The following E2F2 variants were observed in gnomAD, a reference collection of about 807,000 sequenced individuals.
The protein encoded by E2F2 is E2F transcription factor 2.
In E2F2, 22 loss-of-function variants were observed where a neutral mutation model predicts 42.2. The ratio of observed to expected loss-of-function variants is 0.52; its 90% CI spans 0.37 to 0.74. The LOEUF (loss-of-function observed/expected upper bound fraction) is 0.74. Among genes scored for constraint, E2F2 ranks in the 30% least tolerant of loss-of-function variants. E2F2 has a pLI of 0.00. For synonymous variants in E2F2, 248 were observed against 251.6 expected, an observed-to-expected ratio of 0.99 and a Z score of 0.13; for missense variants, 481 against 557.8, an observed-to-expected ratio of 0.86 and a Z score of 1.39.
chr1:23,523,529 G>A (rs997314317), intron 2 of E2F2, among the ~76,000 whole-genome samples: 1 of 152,100 alleles, frequency 6.6e-6, no homozygotes, highest in African/African-American at 2.4e-5. Context: ...GGCACCACCT[G>A]GGCAGCCTCT....
At chr1:23,520,821 C>A in intron 4 of E2F2, 92 bp downstream of exon 4, 1 of 1,318,732 alleles carries the variant, frequency 7.6e-7, no homozygotes, top group Non-Finnish European at 9.9e-7. Flanking sequence ...GATGCCAGAC[C>A]CTTAGGGTAA....
At chr1:23,512,851 C>T (rs930458712) in intron 6 of E2F2, among the ~76,000 whole-genome samples, 12 of 151,020 alleles carry the variant, frequency 7.9e-5, no homozygotes, top group Admixed American at 7.9e-4. Flanking sequence ...CCCACTCTGT[C>T]GGTCAGGCTG....
At chr1:23,523,449 G>A (rs939829280) in intron 2 of E2F2, among the ~76,000 whole-genome samples, 5 of 152,074 alleles carry the variant, frequency 3.3e-5, no homozygotes, top group East Asian at 1.9e-4. Context: ...GAGCCACCAC[G>A]CTCAGCCTAT....
chr1:23,509,881 C>T lies in E2F2; in HGVS notation c.1313G>A (p.Ter438=). The T allele has an allele frequency of 1.3e-6, 2 of 1,535,440 alleles. No individual in the cohort carries two copies. Among genetic ancestry groups the T allele is most frequent in the Non-Finnish European group, 1.8e-6 (2 of 1,137,512 alleles). ...SYDLGDLLIN[*] ...GCTGCTGGGGGCAGGCAGGGCCACTCAATTAATCAACAGGTCCCCAAGGTC... is the reference window on the plus strand; with the variant it reads ...GCTGCTGGGGGCAGGCAGGGCCACTTAATTAATCAACAGGTCCCCAAGGTC... Residue 438 remains the stop codon, a stop_retained_variant, in exon 7 of 7, where the codon TGA becomes TAA. Coordinates refer to ENST00000361729, the MANE Select transcript of E2F2 (RefSeq NM_004091.4).
Position 23,509,606 on chromosome 1 carries a change from C to T in E2F2, c.*274G>A, listed in dbSNP as rs1329082220. ...CTGGACTTGGCCACCTCACCTGCAG[C>T]CTTCTTGTGAGAGGTCAGAAGTCAG... On this transcript the variant is annotated 3_prime_UTR_variant, in exon 7 of 7. Coordinates refer to ENST00000361729, the MANE Select transcript of E2F2 (RefSeq NM_004091.4). The T allele has an allele frequency of 2.3e-6, 1 of 438,350 alleles. No homozygotes were observed. Among genetic ancestry groups the T allele is most frequent in the Non-Finnish European group, 3.6e-6 (1 of 280,558 alleles). 27.2% of individuals were successfully genotyped at this position (438,350 alleles called of 1,614,324 possible).
chr1:23,530,923 G>A lies in E2F2; in HGVS notation c.-130C>T. ...CGGGGGAAGCCGCCAATGGACGCCT[G>A]CGGGGCAAGGCCGGACCCTCCCCTC... On this transcript the variant is annotated 5_prime_UTR_variant, in exon 1 of 7. Coordinates refer to ENST00000361729, the MANE Select transcript of E2F2 (RefSeq NM_004091.4). The surrounding 1 kb of genome is among the most constrained non-coding windows in gnomAD (Gnocchi z 4.4). The A allele has an allele frequency of 1.6e-6, 2 of 1,217,346 alleles. No homozygotes were observed. The highest frequency in any genetic ancestry group is 2.2e-6 in the Non-Finnish European group (2 of 917,194). 75.4% of individuals were successfully genotyped at this position (1,217,346 alleles called of 1,614,324 possible).
chr1:23,510,219 C>A (rs1228250041), intron 6 of E2F2, 71 bp from the exon 7 acceptor site: 1 of 1,451,094 alleles, frequency 6.9e-7, no homozygotes. Flanking sequence ...GACAGACTTC[C>A]GGTTCTCTGG....
chr1:23,511,032 C>CT (rs1321273818), intron 6 of E2F2, among the ~76,000 whole-genome samples: 1 of 152,098 alleles, frequency 6.6e-6, no homozygotes, highest in East Asian at 1.9e-4. Flanking sequence ...GCACAGTAAA[C>CT]TTTCTCCAGA....
At chr1:23,521,745 C>A in intron 3 of E2F2, 92 bp downstream of exon 3, 1 of 1,555,184 alleles carries the variant, frequency 6.4e-7, no homozygotes, top group Admixed American at 1.8e-5. Flanking sequence ...TCAGCCCCGC[C>A]CCTGCCACTC....
In E2F2 at chr1:23,516,407, A is replaced by G; in HGVS notation, c.973T>C (p.Cys325Arg). ...GGCTGGGCAGAGTCAGGGCTGGGGC[A>G]GAGGGTGGAGGTAGAGGGGAGAGGC... Reference protein sequence around the residue: ...EEPLPSTSTLCPSPDSAQPSS... With the variant: ...EEPLPSTSTLRPSPDSAQPSS... The change falls in exon 6 of 7, where the codon TGC becomes CGC. Residue 325 changes from cysteine to arginine, a missense_variant. By Grantham distance (180) the Cys-to-Arg change is radical. Transcript: ENST00000361729. The G allele has an allele frequency of 2.5e-6, 4 of 1,598,510 alleles. No individual in the cohort carries two copies. The East Asian group carries it at 9.3e-5, about 37-fold the overall frequency.
rs902842323 is a variant in E2F2 at position 23,526,679 on chromosome 1, A to G, written c.253-2191T>C. Reference sequence around the variant, plus strand: ...ATGGAGACTTACAGAGAGTAAGCACATGCCCAAGGTCACACAAAGGCCGGA... The same window carrying G: ...ATGGAGACTTACAGAGAGTAAGCACGTGCCCAAGGTCACACAAAGGCCGGA... On this transcript the variant is annotated intron_variant, in intron 1 of 6. Transcript: ENST00000361729. Among the ~76,000 whole-genome samples the G allele has an allele frequency of 3.9e-5, 6 of 152,242 alleles. No individual in the cohort carries two copies. The East Asian group carries it at 7.7e-4, about 19-fold the overall frequency.
At chr1:23,528,618 G>T (rs778790522) in intron 1 of E2F2, among the ~76,000 whole-genome samples, 6 of 152,212 alleles carry the variant, frequency 3.9e-5, no homozygotes, top group Non-Finnish European at 8.8e-5. Flanking sequence ...TCCTGACCAA[G>T]ATAATGAACG....
chr1:23,522,850 G>A (rs1643179051), intron 2 of E2F2, among the ~76,000 whole-genome samples: 1 of 152,166 alleles, frequency 6.6e-6, no homozygotes, highest in Non-Finnish European at 1.5e-5. Flanking sequence ...TAGCAAGTTA[G>A]TGGCCAATCC....
Position 23,524,494 on chromosome 1 carries a change from A to T in E2F2, c.253-6T>A, listed in dbSNP as rs1183272502. The T allele has an allele frequency of 6.2e-7, 1 of 1,612,672 alleles. No homozygotes were observed. The highest frequency in any genetic ancestry group is 1.7e-5 in the Admixed American group (1 of 59,818). On this transcript the variant is annotated splice_region_variant and splice_polypyrimidine_tract_variant and intron_variant, in intron 1 of 6. Coordinates refer to ENST00000361729, the MANE Select transcript of E2F2 (RefSeq NM_004091.4). The stretch of plus-strand genomic sequence containing the variant: ...AGATCCAGCTTCCTTTTGGCCTTGG[A>T]GAAAAGGGGGAGAGAGAGGCAGAGT...
intron 4 of E2F2, among the ~76,000 whole-genome samples, 175 bp downstream of exon 4, chr1:23,520,738 G>A (rs1643123686): frequency 6.6e-6 from 1 of 152,050 alleles, no homozygotes; most frequent in African/African-American, 2.4e-5. Context: ...ATGAGTCCTT[G>A]TCTCTAAAAA....
intron 5 of E2F2, among the ~76,000 whole-genome samples, chr1:23,518,299 C>T (rs1558244505): frequency 1.3e-5 from 2 of 151,800 alleles, no homozygotes; most frequent in African/African-American, 4.8e-5. Flanking sequence ...AACCCCATCT[C>T]TACTAAAAAA....
At chr1:23,522,158 A>G (rs1260968940) in intron 2 of E2F2, 102 bp from the exon 3 acceptor site, 5 of 1,046,954 alleles carry the variant, frequency 4.8e-6, no homozygotes, top group African/African-American at 1.6e-5. Context: ...TTCACCACCC[A>G]CTTTCCAGTT....
At position 23,526,851 on chromosome 1, in the gene E2F2, G is replaced by GCACACACACACACACA. The variant is rs3221150; in HGVS notation, c.253-2379_253-2364dup. On this transcript the variant is annotated intron_variant, in intron 1 of 6. Transcript: ENST00000361729. ...CCTGCCCCCATCACTGCATGTACTT[G>GCACACACACACACACA]CACACACACACACACACACACACAC... is the stretch of plus-strand genomic sequence containing the variant. 1.1e-4 allele frequency among the ~76,000 whole-genome samples: 17 copies of GCACACACACACACACA among 148,720 alleles called. No individual in the cohort carries two copies. In the South Asian group the frequency reaches 2.6e-3, roughly 22 times the overall value.
In E2F2 at chr1:23,530,521, G is replaced by C. The variant is rs1643320394; in HGVS notation, c.252+21C>G. 6.2e-7 allele frequency: 1 copy of C among 1,610,000 alleles called. No homozygotes were observed. Among genetic ancestry groups the C allele is most frequent in the African/African-American group, 1.3e-5 (1 of 74,824 alleles). On this transcript the variant is annotated intron_variant, in intron 1 of 6. Coordinates refer to ENST00000361729, the MANE Select transcript of E2F2 (RefSeq NM_004091.4). The surrounding 1 kb of genome is among the most constrained non-coding windows in gnomAD (Gnocchi z 4.4). Reference sequence around the variant, plus strand: ...CACCTGGAAAAGCATAGGGGGAAGCGGTGGGGGCCCCCAGCATTACCGGCA... The same window carrying C: ...CACCTGGAAAAGCATAGGGGGAAGCCGTGGGGGCCCCCAGCATTACCGGCA...
Sources: allele counts gnomAD v4.1 joint callset (sites outside exome capture counted in the v4.1 genomes callset), GRCh38; gene constraint gnomAD v4.1.1; non-coding constraint Gnocchi (gnomAD v3.1); transcripts MANE v1.5; gene names NCBI Gene and HGNC (gene_info 2026-07-23, HGNC 2026-07-21).